Variants in NEIL3 observed in about 807,000 individuals in gnomAD.
NEIL3 encodes the protein endonuclease 8-like 3.
A neutral mutation model predicts 57.5 loss-of-function variants in NEIL3; 48 were observed. The ratio of observed to expected loss-of-function variants is 0.83; its 90% CI spans 0.66 to 1.06. The LOEUF (loss-of-function observed/expected upper bound fraction) is 1.06. Ranked by LOEUF, NEIL3 falls within the 50% of genes least tolerant of loss-of-function variation. NEIL3 has a pLI of 0.00. For missense variants in NEIL3, 717 were observed against 739.1 expected (o/e 0.97, Z 0.35); for synonymous variants, 261 against 253.2 (o/e 1.03, Z -0.29).
chr4:177,341,157 T>A (rs3805164), intron 5 of NEIL3, among the ~76,000 whole-genome samples: 1 of 151,972 alleles, frequency 6.6e-6, no homozygotes, highest in Non-Finnish European at 1.5e-5. Context: ...TAAAAAGCCT[T>A]AAAAGTGTAA....
Position 177,360,577 on chromosome 4 carries a change from G to A in NEIL3, c.1535G>A (p.Arg512His), listed in dbSNP as rs372757317. ...PDSPRCSKHN[R>H]LCILRVVGKD... Reference sequence around the variant, plus strand: ...AGCCCTCGCTGCAGTAAACACAACCGCCTCTGCATTCTCCGAGTTGTGGGG... The same window carrying A: ...AGCCCTCGCTGCAGTAAACACAACCACCTCTGCATTCTCCGAGTTGTGGGG... Residue 512 changes from arginine (R) to histidine (H), a missense_variant, in exon 9 of 10, where the codon CGC (arginine) becomes CAC (histidine). Arg to His is a conservative substitution (Grantham distance 29, BLOSUM62 0). Transcript: ENST00000264596. 1.7e-5 allele frequency: 28 copies of A among 1,613,746 alleles called. No individual in the cohort carries two copies. The African/African-American group carries it at 2.9e-4, about 17-fold the overall frequency.
chr4:177,334,759 A>G (rs1734943529), intron 2 of NEIL3, among the ~76,000 whole-genome samples: 1 of 152,230 alleles, frequency 6.6e-6, no homozygotes, highest in African/African-American at 2.4e-5. Context: ...GTGCTCCGCA[A>G]TTAGAAGCAC....
intron 2 of NEIL3, among the ~76,000 whole-genome samples, chr4:177,329,387 A>G (rs1394528343): frequency 1.3e-5 from 2 of 152,204 alleles, no homozygotes; most frequent in Non-Finnish European, 2.9e-5. Flanking sequence ...TGCAGGTTAA[A>G]ATAAAAGGAT....
chr4:177,354,955 A>G (rs1735443393), intron 8 of NEIL3, among the ~76,000 whole-genome samples: 2 of 152,274 alleles, frequency 1.3e-5, no homozygotes, highest in South Asian at 4.1e-4. Flanking sequence ...AAATTTTAAT[A>G]CATAACGTCA....
chr4:177,327,225 A>G (rs1734799389), intron 2 of NEIL3, among the ~76,000 whole-genome samples: 1 of 152,176 alleles, frequency 6.6e-6, no homozygotes, highest in African/African-American at 2.4e-5. Context: ...GAGTCAATTA[A>G]GCCTCTTTCC....
In NEIL3 at chr4:177,357,417, T is replaced by A. The variant is rs543298102; in HGVS notation, c.1461-3086T>A. On this transcript the variant is annotated intron_variant, in intron 8 of 9. Transcript: ENST00000264596. Reference sequence around the variant, plus strand: ...CACCAGGGTTACTGTATTTTATGTGTGGCCCAAGACAATTCTTCTTCTTCC... The same window carrying A: ...CACCAGGGTTACTGTATTTTATGTGAGGCCCAAGACAATTCTTCTTCTTCC... 3.3e-5 allele frequency among the ~76,000 whole-genome samples: 5 copies of A among 149,734 alleles called. No individual in the cohort carries two copies. In the East Asian group the frequency reaches 9.9e-4, roughly 30 times the overall value.
At chr4:177,339,923 A>G in intron 5 of NEIL3, 66 bp downstream of exon 5, 1 of 1,022,166 alleles carries the variant, frequency 9.8e-7, no homozygotes, top group East Asian at 2.4e-5. Context: ...GGAGTGCACC[A>G]AAAAATGTGA....
chr4:177,357,417 T>C (rs543298102), intron 8 of NEIL3, among the ~76,000 whole-genome samples: 1 of 149,612 alleles, frequency 6.7e-6, no homozygotes. Flanking sequence ...ATTTTATGTG[T>C]GGCCCAAGAC....
intron 6 of NEIL3, among the ~76,000 whole-genome samples, chr4:177,346,489 C>A (rs1735223915): frequency 6.6e-6 from 1 of 152,168 alleles, no homozygotes; most frequent in Non-Finnish European, 1.5e-5. Context: ...ATTTAATTCT[C>A]TCCATCACTT....
rs1468182402 is a variant in NEIL3 at position 177,353,565 on chromosome 4, T to C, written c.1297T>C (p.Ser433Pro). The C allele has an allele frequency of 6.2e-7, 1 of 1,612,752 alleles. No individual in the cohort carries two copies. The highest frequency in any genetic ancestry group is 1.3e-5 in the African/African-American group (1 of 74,746). ...TTGTTTGAATGATATACAGCACCCC[T>C]CCAAGAAGACAACAAACGATATAAC... ...SVCLNDIQHP[S>P]KKTTNDITQP... Residue 433 changes from serine to proline, a missense_variant, in exon 8 of 10, where the codon TCC (serine) becomes CCC (proline). Transcript: ENST00000264596.
intron 5 of NEIL3, among the ~76,000 whole-genome samples, chr4:177,340,815 C>A (rs536029501): frequency 1.3e-5 from 2 of 151,936 alleles, no homozygotes; most frequent in African/African-American, 4.8e-5. Context: ...TTTGTAGGAG[C>A]CTTAAATATT....
At chr4:177,361,286 C>G (rs1233658638) in intron 9 of NEIL3, among the ~76,000 whole-genome samples, 1 of 152,138 alleles carries the variant, frequency 6.6e-6, no homozygotes, top group Admixed American at 6.5e-5. Flanking sequence ...TCCGGTATTC[C>G]TCGGTGTGAG....
chr4:177,322,662 C>G (rs1247781699), intron 2 of NEIL3, 82 bp downstream of exon 2: 8 of 1,527,580 alleles, frequency 5.2e-6, no homozygotes, highest in Non-Finnish European at 5.4e-6. Flanking sequence ...CCGGGTGTCA[C>G]ATTTAATCAT....
chr4:177,312,439 T>C (rs528838922), intron 1 of NEIL3, among the ~76,000 whole-genome samples: 26 of 152,308 alleles, frequency 1.7e-4, no homozygotes, highest in Non-Finnish European at 3.1e-4. Flanking sequence ...AAAAGTGCAA[T>C]CTTGGATTTT....
intron 2 of NEIL3, among the ~76,000 whole-genome samples, chr4:177,329,498 G>A (rs1734841491): frequency 1.3e-5 from 2 of 152,094 alleles, no homozygotes; most frequent in Non-Finnish European, 1.5e-5. Context: ...TGAGGGTAAA[G>A]AAGGACATTA....
At chr4:177,351,343 A>G (rs1735346501) in intron 6 of NEIL3, 37 bp from the exon 7 acceptor site, 1 of 1,450,170 alleles carries the variant, frequency 6.9e-7, no homozygotes, top group Non-Finnish European at 9.6e-7. Context: ...GAACAAGGCA[A>G]TAATAACAAT....
At position 177,362,362 on chromosome 4, in the gene NEIL3, C is replaced by T; in HGVS notation, c.1709C>T (p.Pro570Leu). 1 of 1,613,302 alleles carries T rather than the reference C, an allele frequency of 6.2e-7. No homozygotes were observed. Among genetic ancestry groups the T allele is most frequent in the Non-Finnish European group, 8.5e-7 (1 of 1,179,646 alleles). Residue 570 changes from proline to leucine, a missense_variant, in exon 10 of 10, where the codon CCT becomes CTT. Transcript: ENST00000264596. ...ATGAAAACAGTATTGAAGATTGGAC[C>T]TAACAATGGAAAGAATTTTTTTGTG... ...STMKTVLKIGPNNGKNFFVCP... is the reference protein window; with the variant it reads ...STMKTVLKIGLNNGKNFFVCP...
At chr4:177,364,761 C>G (rs1735670739), downstream of NEIL3, among the ~76,000 whole-genome samples, 1 of 152,022 alleles carries the variant, frequency 6.6e-6, no homozygotes, top group African/African-American at 2.4e-5. Flanking sequence ...AACCCTGTCT[C>G]TACTAAAAAT....
chr4:177,343,919 TAGA>T (rs1345142406), intron 6 of NEIL3, among the ~76,000 whole-genome samples: 1 of 152,118 alleles, frequency 6.6e-6, no homozygotes, highest in Non-Finnish European at 1.5e-5. Flanking sequence ...AGCTGGCAGA[TAGA>T]AGATCTTCAA....
Sources: allele counts gnomAD v4.1 joint callset (sites outside exome capture counted in the v4.1 genomes callset), GRCh38; gene constraint gnomAD v4.1.1; transcripts MANE v1.5; gene names NCBI Gene and HGNC (gene_info 2026-07-23, HGNC 2026-07-21).